The following NLGN1 variants were observed in gnomAD, a reference collection of about 807,000 sequenced individuals.
NLGN1 encodes neuroligin 1.
In NLGN1, 12 loss-of-function variants were observed where a neutral mutation model predicts 65.5. The observed-to-expected ratio is 0.18, with a 90% CI of 0.12 to 0.30. The LOEUF (loss-of-function observed/expected upper bound fraction) is 0.30. Among genes scored for constraint, NLGN1 ranks in the 10% least tolerant of loss-of-function variants. The probability of loss-of-function intolerance (pLI) is 1.00; values close to 1 mark genes in which losing one functional copy is unlikely to be tolerated. For synonymous variants in NLGN1, 350 were observed against 359.5 expected (o/e 0.97, Z 0.30); for missense variants, 750 against 1,007.1 (o/e 0.74, Z 3.46).
intron 3 of NLGN1, among the ~76,000 whole-genome samples, chr3:173,728,540 C>T (rs1228358184): frequency 1.3e-5 from 2 of 151,914 alleles, no homozygotes; most frequent in African/African-American, 4.8e-5. Flanking sequence ...TCATGTCAAC[C>T]CCACACCTCA....
At chr3:173,502,524 C>T (rs750956195) in intron 2 of NLGN1, among the ~76,000 whole-genome samples, 3 of 152,108 alleles carry the variant, frequency 2.0e-5, no homozygotes, top group Non-Finnish European at 4.4e-5. Flanking sequence ...AGTTTTCTAG[C>T]TAATGTTTTC....
intron 4 of NLGN1, among the ~76,000 whole-genome samples, chr3:173,894,281 G>A (rs550164269): frequency 2.2e-4 from 33 of 152,210 alleles, no homozygotes; most frequent in African/African-American, 7.5e-4. Flanking sequence ...AACCTAGGTC[G>A]AACCAATGAA....
intron 4 of NLGN1, among the ~76,000 whole-genome samples, chr3:174,222,187 C>T (rs1009360431): frequency 1.3e-5 from 2 of 151,978 alleles, no homozygotes; most frequent in African/African-American, 2.4e-5. Flanking sequence ...TGAGTTATTG[C>T]GTGTATATAC....
chr3:173,754,448 G>A (rs776351549), intron 3 of NLGN1, among the ~76,000 whole-genome samples: 1 of 151,770 alleles, frequency 6.6e-6, no homozygotes, highest in Non-Finnish European at 1.5e-5. Flanking sequence ...TTCTTTCTCT[G>A]TTTCATATTT....
At chr3:174,104,349 C>T (rs1364561755) in intron 4 of NLGN1, among the ~76,000 whole-genome samples, 2 of 152,056 alleles carry the variant, frequency 1.3e-5, no homozygotes, top group Non-Finnish European at 2.9e-5. Flanking sequence ...AGATATATTT[C>T]ACTGGGCTAT....
intron 4 of NLGN1, among the ~76,000 whole-genome samples, chr3:173,831,869 G>A (rs909579223): frequency 2.6e-5 from 4 of 152,068 alleles, no homozygotes; most frequent in African/African-American, 7.2e-5. Flanking sequence ...CTTTCTCTTC[G>A]TTGTTTTCTT....
At chr3:174,047,666 TAAGTA>T (rs1459114101) in intron 4 of NLGN1, among the ~76,000 whole-genome samples, 1 of 151,928 alleles carries the variant, frequency 6.6e-6, no homozygotes, top group African/African-American at 2.4e-5. Context: ...TAATACGTGT[TAAGTA>T]AATATAAAAA....
intron 3 of NLGN1, among the ~76,000 whole-genome samples, chr3:173,794,414 A>G (rs1713519909): frequency 6.6e-6 from 1 of 152,124 alleles, no homozygotes; most frequent in Non-Finnish European, 1.5e-5. Context: ...TATTGCAACC[A>G]TGGCAGGGAG....
chr3:173,822,489 G>A (rs567616152), intron 4 of NLGN1, among the ~76,000 whole-genome samples: 7 of 152,186 alleles, frequency 4.6e-5, no homozygotes, highest in African/African-American at 7.2e-5. Flanking sequence ...TGAAATGCTC[G>A]AAAATCTGAG....
chr3:173,789,118 G>A (rs1432840386), intron 3 of NLGN1, among the ~76,000 whole-genome samples: 1 of 151,732 alleles, frequency 6.6e-6, no homozygotes, highest in African/African-American at 2.4e-5. Context: ...AGAATCACTT[G>A]AACCTGGGAA....
chr3:173,689,426 G>A (rs899012681), intron 3 of NLGN1, among the ~76,000 whole-genome samples: 1 of 152,030 alleles, frequency 6.6e-6, no homozygotes, highest in African/African-American at 2.4e-5. Flanking sequence ...CTCCCTATCT[G>A]CTGGACAAAT....
chr3:173,540,338 C>G (rs906843667), intron 2 of NLGN1, among the ~76,000 whole-genome samples: 23 of 152,080 alleles, frequency 1.5e-4, no homozygotes, highest in African/African-American at 5.6e-4. Flanking sequence ...TTGCTGGGCC[C>G]CACTCAAAAC....
chr3:174,051,043 C>T, intron 4 of NLGN1, among the ~76,000 whole-genome samples: 1 of 152,026 alleles, frequency 6.6e-6, no homozygotes, highest in Non-Finnish European at 1.5e-5. Context: ...CAAGAGGCCT[C>T]CAGCTCCCTA....
chr3:173,714,357 A>T (rs1436214832), intron 3 of NLGN1, among the ~76,000 whole-genome samples: 1 of 152,144 alleles, frequency 6.6e-6, no homozygotes, highest in Non-Finnish European at 1.5e-5. Context: ...GGTAATGCAG[A>T]TAAAGGGCTT....
chr3:173,538,974 C>A (rs1737942819), intron 2 of NLGN1, among the ~76,000 whole-genome samples: 1 of 151,640 alleles, frequency 6.6e-6, no homozygotes, highest in African/African-American at 2.4e-5. Flanking sequence ...AGTCCCTAAC[C>A]ATCTGGACAA....
In NLGN1 at chr3:173,659,201, G is replaced by A. The variant is rs3913567; in HGVS notation, c.493+54110G>A. ...TATCCAGTGAAAATAAAACCTAAATGTAGAAGAATTTTAGAGTTTAGGAAG... is the reference window on the plus strand; with the variant it reads ...TATCCAGTGAAAATAAAACCTAAATATAGAAGAATTTTAGAGTTTAGGAAG... On this transcript the variant is annotated intron_variant, in intron 3 of 6. Transcript: ENST00000457714. Among the ~76,000 whole-genome samples the A allele has an allele frequency of 6.5e-3, 994 of 152,036 alleles. 14 individuals are homozygous for A. The highest frequency in any genetic ancestry group is 0.023 in the African/African-American group (948 of 41,500).
chr3:173,654,065 G>A (rs73880533), intron 3 of NLGN1, among the ~76,000 whole-genome samples: 4,147 of 152,156 alleles, frequency 0.027, 183 homozygotes, highest in African/African-American at 0.096. Context: ...ACTGAGTTGA[G>A]TCATCCTCAA....
chr3:174,268,657 C>CTCTT (rs1748742048), intron 4 of NLGN1, among the ~76,000 whole-genome samples: 1 of 152,076 alleles, frequency 6.6e-6, no homozygotes, highest in African/African-American at 2.4e-5. Context: ...ACAATCTCAC[C>CTCTT]TCTTTACCTT....
At chr3:174,195,298 A>G (rs1389061975) in intron 4 of NLGN1, among the ~76,000 whole-genome samples, 1 of 152,218 alleles carries the variant, frequency 6.6e-6, no homozygotes, top group East Asian at 1.9e-4. Flanking sequence ...CAAGTTTAAG[A>G]TCTCTATTTT....
Sources: allele counts gnomAD v4.1 joint callset (sites outside exome capture counted in the v4.1 genomes callset), GRCh38; gene constraint gnomAD v4.1.1; transcripts MANE v1.5; gene names NCBI Gene and HGNC (gene_info 2026-07-23, HGNC 2026-07-21).